PRDM5: variants seen among roughly 807,000 people sequenced by gnomAD.
PRDM5 encodes the protein PR domain zinc finger protein 5.
Under a neutral mutation model 81.2 loss-of-function variants are expected in PRDM5, and 56 were observed. That is an observed-to-expected ratio of 0.69 (90% confidence interval 0.56 to 0.86). The LOEUF (loss-of-function observed/expected upper bound fraction) is 0.86. PRDM5 is among the 40% of genes least tolerant of loss of function. The pLI is 0.00. For synonymous variants in PRDM5, 267 were observed against 256.4 expected (o/e 1.04, Z -0.39); for missense variants, 697 against 770.1 (o/e 0.91, Z 1.12).
chr4:120,731,110 C>T (rs924723503), intron 14 of PRDM5, among the ~76,000 whole-genome samples: 6 of 152,302 alleles, frequency 3.9e-5, no homozygotes, highest in African/African-American at 1.4e-4. Flanking sequence ...GACTATGACA[C>T]TTTACAGTCA....
At position 120,905,444 on chromosome 4, in the gene PRDM5, G is replaced by T. The variant is rs555492538; in HGVS notation, c.177+2030C>A. Among the ~76,000 whole-genome samples, 4 of 152,274 alleles carry T rather than the reference G, an allele frequency of 2.6e-5. No individual in the cohort carries two copies. In the East Asian group the frequency reaches 5.8e-4, roughly 22 times the overall value. ...ATCAAATACTGATATAGGAGTAAAG[G>T]TATTTTGTAGATGCGGTTAACATCT... is the stretch of plus-strand genomic sequence containing the variant. On this transcript the variant is annotated intron_variant, in intron 2 of 15. Transcript: ENST00000264808.
At chr4:120,920,817 T>A (rs1294913197) in intron 1 of PRDM5, among the ~76,000 whole-genome samples, 1 of 152,206 alleles carries the variant, frequency 6.6e-6, no homozygotes, top group Non-Finnish European at 1.5e-5. Flanking sequence ...AAAGTTAAAC[T>A]GGCCAGGAAA....
intron 3 of PRDM5, among the ~76,000 whole-genome samples, chr4:120,846,842 G>A (rs1758706892): frequency 6.6e-6 from 1 of 152,156 alleles, no homozygotes; most frequent in African/African-American, 2.4e-5. Context: ...AGTATCTCCA[G>A]TGCTCAGCAT....
chr4:120,893,323 GTC>G (rs1764269103), intron 2 of PRDM5, among the ~76,000 whole-genome samples: 1 of 152,164 alleles, frequency 6.6e-6, no homozygotes, highest in South Asian at 2.1e-4. Context: ...TACTCTCTGT[GTC>G]TCCCTGCTGC....
chr4:120,896,656 TTCACAC>T (rs1764644647), intron 2 of PRDM5: 1 of 110,318 alleles, frequency 9.1e-6, no homozygotes, highest in Non-Finnish European at 1.9e-5. Context: ...GCTTAAATAT[TTCACAC>T]ACACACACAC....
At chr4:120,877,288 C>G (rs771679833) in intron 2 of PRDM5, among the ~76,000 whole-genome samples, 1 of 152,108 alleles carries the variant, frequency 6.6e-6, no homozygotes, top group African/African-American at 2.4e-5. Context: ...CTCAAAAACC[C>G]GTATTTCTGA....
chr4:120,809,408 A>C (rs1299589554), intron 8 of PRDM5, among the ~76,000 whole-genome samples: 3 of 152,098 alleles, frequency 2.0e-5, no homozygotes, highest in African/African-American at 7.2e-5. Context: ...AATACTTTTA[A>C]AAAAAACAAA....
At chr4:120,832,593 A>G (rs1422308184) in intron 3 of PRDM5, among the ~76,000 whole-genome samples, 3 of 152,062 alleles carry the variant, frequency 2.0e-5, no homozygotes, top group African/African-American at 7.2e-5. Context: ...CAGGCACTAT[A>G]TCATATTCAC....
At chr4:120,819,846 T>C (rs1023002126) in intron 4 of PRDM5, among the ~76,000 whole-genome samples, 1 of 152,186 alleles carries the variant, frequency 6.6e-6, no homozygotes, top group South Asian at 2.1e-4. Context: ...TATAAGCCTG[T>C]CCTTATCTTC....
At chr4:120,699,573 C>T (rs112290350) in intron 15 of PRDM5, among the ~76,000 whole-genome samples, 3 of 152,186 alleles carry the variant, frequency 2.0e-5, no homozygotes, top group African/African-American at 7.2e-5. Context: ...TGATACTGCA[C>T]CTCATAAGAG....
At chr4:120,859,717 GCT>G (rs1204455636) in intron 2 of PRDM5, among the ~76,000 whole-genome samples, 2 of 152,114 alleles carry the variant, frequency 1.3e-5, no homozygotes, top group African/African-American at 4.8e-5. Flanking sequence ...GAAACACCTT[GCT>G]CTGTGACCCA....
chr4:120,709,025 G>C (rs6534205), intron 15 of PRDM5, among the ~76,000 whole-genome samples: 76,547 of 151,016 alleles, frequency 0.51, 20,238 homozygotes, highest in East Asian at 0.75. Flanking sequence ...TGGGACGGAA[G>C]CAGATAGAAA....
chr4:120,709,421 C>T (rs1034326638), intron 15 of PRDM5, among the ~76,000 whole-genome samples: 1 of 152,008 alleles, frequency 6.6e-6, no homozygotes, highest in Non-Finnish European at 1.5e-5. Context: ...ATGAGTATGC[C>T]CACTGGGAGT....
chr4:120,886,091 G>A (rs1236871501), intron 2 of PRDM5, among the ~76,000 whole-genome samples: 5 of 152,106 alleles, frequency 3.3e-5, no homozygotes, highest in Non-Finnish European at 7.4e-5. Context: ...CTAACTAGAG[G>A]ACTAATGTCA....
At position 120,835,277 on chromosome 4, in the gene PRDM5, T is replaced by C. The variant is rs527983540; in HGVS notation, c.301-13932A>G. On this transcript the variant is annotated intron_variant, in intron 3 of 15. Transcript: ENST00000264808. ...AATGTGACGACAAAGAGCAGCACAG[T>C]ACTACTGAAGTATATAATAGAAAAC... 2.0e-4 allele frequency among the ~76,000 whole-genome samples: 31 copies of C among 152,318 alleles called. No homozygotes were observed. The South Asian group carries it at 3.9e-3, about 19-fold the overall frequency.
intron 2 of PRDM5, among the ~76,000 whole-genome samples, chr4:120,862,873 C>T (rs1263682922): frequency 6.6e-6 from 1 of 151,918 alleles, no homozygotes; most frequent in African/African-American, 2.4e-5. Flanking sequence ...AAAGAGTATG[C>T]TCTGGCCAAG....
intron 10 of PRDM5, among the ~76,000 whole-genome samples, chr4:120,785,451 T>C (rs1004768093): frequency 2.6e-5 from 4 of 152,134 alleles, no homozygotes; most frequent in African/African-American, 9.7e-5. Context: ...TGGCCAGGCT[T>C]TTACTCTGCT....
At chr4:120,753,886 G>A (rs956433854) in intron 14 of PRDM5, among the ~76,000 whole-genome samples, 6 of 152,116 alleles carry the variant, frequency 3.9e-5, no homozygotes, top group East Asian at 1.9e-4. Flanking sequence ...TGCTTAAATC[G>A]AATAGTGAGC....
At chr4:120,705,772 T>A (rs973427106) in intron 15 of PRDM5, among the ~76,000 whole-genome samples, 4 of 152,182 alleles carry the variant, frequency 2.6e-5, no homozygotes, top group Admixed American at 6.5e-5. Flanking sequence ...TTACTCTGCA[T>A]GAGACTGTTG....
Sources: gnomAD v4.1 joint callset for allele counts (sites outside exome capture counted in the v4.1 genomes callset) on GRCh38, gnomAD v4.1.1 for gene constraint, MANE v1.5 for transcripts, NCBI Gene and HGNC (gene_info 2026-07-23, HGNC 2026-07-21) for gene names.